Variants in PARPBP observed in about 807,000 individuals in gnomAD.
The protein encoded by PARPBP is PCNA-interacting partner.
A neutral mutation model predicts 50.0 loss-of-function variants in PARPBP; 52 were observed. The ratio of observed to expected loss-of-function variants is 1.04; its 90% CI spans 0.83 to 1.31. The LOEUF is 1.31. PARPBP is among the 50% of genes most tolerant of loss of function. PARPBP has a pLI of 0.00. For synonymous variants in PARPBP, 244 were observed against 232.1 expected (o/e 1.05, Z -0.47); for missense variants, 697 against 672.0 (o/e 1.04, Z -0.41).
At chr12:102,154,043 A>G in intron 4 of PARPBP, 67 bp downstream of exon 4, 1 of 962,342 alleles carries the variant, frequency 1.0e-6, no homozygotes, top group Non-Finnish European at 1.6e-6. Flanking sequence ...ATTTGGTGGT[A>G]CCTTAAAGTT....
chr12:102,171,359 A>C (rs2136448281), intron 6 of PARPBP, among the ~76,000 whole-genome samples: 1 of 152,272 alleles, frequency 6.6e-6, no homozygotes, highest in South Asian at 2.1e-4. Context: ...GTGTTGAGCT[A>C]TGATGCTACG....
chr12:102,162,155 CTTGCTAAGGAT>C (rs887117776), intron 4 of PARPBP, among the ~76,000 whole-genome samples: 4 of 152,098 alleles, frequency 2.6e-5, no homozygotes, highest in African/African-American at 9.7e-5. Flanking sequence ...ATCTAAGAGG[CTTGCTAAGGAT>C]TTGTAATTTT....
intron 3 of PARPBP, among the ~76,000 whole-genome samples, chr12:102,152,424 G>A (rs1886321885): frequency 6.6e-6 from 1 of 152,144 alleles, no homozygotes; most frequent in African/African-American, 2.4e-5. Context: ...CTCACAAAAG[G>A]GATTAGATGC....
At chr12:102,179,195 A>G (rs1889588761) in intron 8 of PARPBP, among the ~76,000 whole-genome samples, 1 of 152,178 alleles carries the variant, frequency 6.6e-6, no homozygotes, top group Non-Finnish European at 1.5e-5. Context: ...GTATGTTAGC[A>G]ATTAGCAAGG....
At chr12:102,138,911 T>G (rs904610717) in intron 2 of PARPBP, among the ~76,000 whole-genome samples, 2 of 152,228 alleles carry the variant, frequency 1.3e-5, no homozygotes, top group African/African-American at 4.8e-5. Context: ...TAGTTTGAAG[T>G]CAGGAAGCGT....
intron 3 of PARPBP, among the ~76,000 whole-genome samples, chr12:102,153,175 C>T (rs992418808): frequency 7.2e-5 from 11 of 152,238 alleles, no homozygotes; most frequent in Middle Eastern, 3.4e-3. Context: ...GCATGCAGGA[C>T]GACAGCTTTG....
intron 4 of PARPBP, among the ~76,000 whole-genome samples, chr12:102,158,808 A>C (rs1161362968): frequency 1.3e-5 from 2 of 152,122 alleles, no homozygotes; most frequent in Admixed American, 1.3e-4. Flanking sequence ...ATTTTTAAAG[A>C]GGAATGAACC....
chr12:102,182,405 T>C (rs1259134920), intron 8 of PARPBP, 144 bp from the exon 9 acceptor site: 1 of 610,486 alleles, frequency 1.6e-6, no homozygotes, highest in African/African-American at 1.9e-5. Context: ...TTTTAATTTA[T>C]GATGAGTTTA....
chr12:102,177,398 C>T (rs1472763399), intron 7 of PARPBP, among the ~76,000 whole-genome samples: 1 of 152,194 alleles, frequency 6.6e-6, no homozygotes, highest in Non-Finnish European at 1.5e-5. Context: ...CAAGCACCTT[C>T]TCCAGAGTTA....
intron 2 of PARPBP, among the ~76,000 whole-genome samples, chr12:102,132,427 G>T (rs1244878813): frequency 6.6e-6 from 1 of 152,018 alleles, no homozygotes; most frequent in Non-Finnish European, 1.5e-5. Flanking sequence ...TCCCCATTAG[G>T]TGTTTTTTGT....
chr12:102,167,992 A>G (rs1245280306), intron 6 of PARPBP, among the ~76,000 whole-genome samples: 1 of 152,136 alleles, frequency 6.6e-6, no homozygotes, highest in African/African-American at 2.4e-5. Context: ...TTTGCTTCTT[A>G]CTGATGTTCC....
At chr12:102,122,476 A>T (rs1485849049) in intron 1 of PARPBP, among the ~76,000 whole-genome samples, 1 of 152,246 alleles carries the variant, frequency 6.6e-6, no homozygotes, top group Non-Finnish European at 1.5e-5. Context: ...TAGCAGAAGG[A>T]GTCAGGAAAT....
chr12:102,184,420 G>C (rs1890128894), intron 9 of PARPBP, among the ~76,000 whole-genome samples: 1 of 152,030 alleles, frequency 6.6e-6, no homozygotes, highest in Non-Finnish European at 1.5e-5. Context: ...AAATGTTAAG[G>C]CTCAACTAAT....
intron 9 of PARPBP, among the ~76,000 whole-genome samples, chr12:102,189,394 A>G (rs371651993): frequency 5.3e-5 from 8 of 152,228 alleles, no homozygotes; most frequent in Non-Finnish European, 1.0e-4. Context: ...CTGTGTTTGT[A>G]CTGTTCATTA....
rs1475054734 is a variant in PARPBP at position 102,178,778 on chromosome 12, A to T, written c.1184+8A>T. 6.4e-7 allele frequency: 1 copy of T among 1,560,790 alleles called. No homozygotes were observed. The highest frequency in any genetic ancestry group is 8.7e-7 in the Non-Finnish European group (1 of 1,144,788). On this transcript the variant is annotated splice_region_variant and intron_variant, in intron 8 of 10. Coordinates refer to ENST00000327680, the MANE Select transcript of PARPBP (RefSeq NM_017915.5). ...TATTCTTACACTTTTTAGGTAAGTT[A>T]TGTGGAAGTTATATGTGTTATAAAT...
intron 2 of PARPBP, among the ~76,000 whole-genome samples, chr12:102,143,486 C>G (rs1884939882): frequency 6.6e-6 from 1 of 152,162 alleles, no homozygotes; most frequent in East Asian, 1.9e-4. Flanking sequence ...GCGCTGCACC[C>G]ACTGTCTGAC....
chr12:102,127,399 A>G (rs567803626), intron 2 of PARPBP, among the ~76,000 whole-genome samples: 2 of 151,460 alleles, frequency 1.3e-5, no homozygotes, highest in Non-Finnish European at 2.9e-5. Context: ...ATCTCAAAAA[A>G]AGAAAAAAAA....
chr12:102,132,178 C>T (rs1044409937), intron 2 of PARPBP, among the ~76,000 whole-genome samples: 1 of 150,108 alleles, frequency 6.7e-6, no homozygotes, highest in Non-Finnish European at 1.5e-5. Context: ...GCGTTCCAGT[C>T]TGGGGGATAG....
intron 9 of PARPBP, among the ~76,000 whole-genome samples, chr12:102,183,977 C>T (rs1009725154): frequency 7.0e-6 from 1 of 141,850 alleles, no homozygotes; most frequent in Non-Finnish European, 1.5e-5. Context: ...GCAGGAGAAT[C>T]GCTTGAGTCT....
Sources: gnomAD v4.1 joint callset for allele counts (sites outside exome capture counted in the v4.1 genomes callset) on GRCh38, gnomAD v4.1.1 for gene constraint, MANE v1.5 for transcripts, NCBI Gene and HGNC (gene_info 2026-07-23, HGNC 2026-07-21) for gene names.